Variants in TPRG1 observed in about 807,000 individuals in gnomAD.
The protein encoded by TPRG1 is tumor protein p63-regulated gene 1 protein.
TPRG1 carries 29 observed loss-of-function variants against 29.3 expected under a neutral mutation model. The ratio of observed to expected loss-of-function variants is 0.99; its 90% CI spans 0.74 to 1.35. TPRG1 has a LOEUF of 1.35. Among genes scored for constraint, TPRG1 ranks in the 40% most tolerant of loss-of-function variants. The probability of loss-of-function intolerance (pLI) is 0.00; values close to 1 mark genes in which losing one functional copy is unlikely to be tolerated. For missense variants in TPRG1, 327 were observed against 335.0 expected (o/e 0.98, Z 0.19); for synonymous variants, 130 against 116.8 (o/e 1.11, Z -0.73).
Position 189,322,285 on chromosome 3 carries a change from T to G in TPRG1, c.*1465T>G, listed in dbSNP as rs2108508405. 1 of 152,490 alleles carries G rather than the reference T, an allele frequency of 6.6e-6. No individual in the cohort carries two copies. The highest frequency in any genetic ancestry group is 1.9e-4 in the East Asian group (1 of 5,188). 9.4% of individuals were successfully genotyped at this position (152,490 alleles called of 1,614,324 possible). A position where few individuals can be genotyped will look rare whatever the true frequency, so the allele number is the denominator to read the frequency against. On this transcript the variant is annotated 3_prime_UTR_variant, in exon 6 of 6. Transcript: ENST00000345063. ...TCAATTTCAAAGATTTGTCCTCTGA[T>G]ATATTTATAAACATCAATTTAATGC...
chr3:189,106,231 C>T (rs1455759919), intron 1 of TPRG1, among the ~76,000 whole-genome samples: 1 of 152,102 alleles, frequency 6.6e-6, no homozygotes, highest in Non-Finnish European at 1.5e-5. Context: ...GTCATTCTGG[C>T]CTTCTAGTAC....
At chr3:189,054,248 T>TGACCAGTTGGTAGGAC (rs1715513157) in intron 4 of TPRG1, among the ~76,000 whole-genome samples, 2 of 152,086 alleles carry the variant, frequency 1.3e-5, no homozygotes. Context: ...GACGGGAGGA[T>TGACCAGTTGGTAGGAC]GACCAGTTGG....
intron 4 of TPRG1, among the ~76,000 whole-genome samples, chr3:189,255,053 T>C (rs930604525): frequency 6.6e-6 from 1 of 152,172 alleles, no homozygotes; most frequent in Non-Finnish European, 1.5e-5. Flanking sequence ...GAACTTCCAA[T>C]ACTATGTTGA....
chr3:189,229,869 T>C (rs550812107), intron 3 of TPRG1, among the ~76,000 whole-genome samples: 1 of 152,308 alleles, frequency 6.6e-6, no homozygotes, highest in East Asian at 1.9e-4. Flanking sequence ...ATACAAGCTG[T>C]AACGAACATA....
intron 2 of TPRG1, among the ~76,000 whole-genome samples, chr3:189,208,802 A>G (rs1036340575): frequency 3.3e-5 from 5 of 152,152 alleles, no homozygotes; most frequent in African/African-American, 1.2e-4. Context: ...GCTATCTTTG[A>G]TATTGATGAT....
At chr3:189,273,811 C>T (rs1019134255) in intron 4 of TPRG1, among the ~76,000 whole-genome samples, 59 of 152,132 alleles carry the variant, frequency 3.9e-4, no homozygotes, top group African/African-American at 1.4e-3. Flanking sequence ...ATTGGTCTGT[C>T]CCTTAGCTTG....
intron 4 of TPRG1, among the ~76,000 whole-genome samples, chr3:189,025,844 C>T (rs1350685103): frequency 6.6e-6 from 1 of 152,144 alleles, no homozygotes; most frequent in Non-Finnish European, 1.5e-5. Flanking sequence ...ATAATAACTT[C>T]ATGTTGAACA....
At chr3:189,144,838 C>T (rs1275295856) in intron 3 of TPRG1, among the ~76,000 whole-genome samples, 2 of 152,314 alleles carry the variant, frequency 1.3e-5, no homozygotes, top group African/African-American at 4.8e-5. Context: ...TAGCAGTGGA[C>T]TTAACACGAC....
At chr3:189,164,775 G>A (rs1045243984) in intron 5 of TPRG1, among the ~76,000 whole-genome samples, 5 of 152,148 alleles carry the variant, frequency 3.3e-5, no homozygotes, top group African/African-American at 9.7e-5. Flanking sequence ...GTGTGGGAAG[G>A]AGGGTGTTGA....
intron 1 of TPRG1, among the ~76,000 whole-genome samples, chr3:189,172,665 T>A (rs1403744767): frequency 6.6e-6 from 1 of 152,196 alleles, no homozygotes; most frequent in Non-Finnish European, 1.5e-5. Context: ...TATTTTTGAA[T>A]TCATCTGAGG....
chr3:189,060,330 A>G (rs1290137826), intron 4 of TPRG1, among the ~76,000 whole-genome samples: 1 of 152,236 alleles, frequency 6.6e-6, no homozygotes, highest in African/African-American at 2.4e-5. Context: ...AGCCACAGCC[A>G]ACATCATACT....
At chr3:189,178,476 G>A (rs6769319) in intron 1 of TPRG1, among the ~76,000 whole-genome samples, 54,203 of 152,084 alleles carry the variant, frequency 0.36, 9,811 homozygotes, top group South Asian at 0.52. Context: ...CTGAGATCAC[G>A]CCACTGCACT....
chr3:189,170,236 C>G (rs1352545473), upstream of TPRG1, among the ~76,000 whole-genome samples: 1 of 152,022 alleles, frequency 6.6e-6, no homozygotes, highest in East Asian at 1.9e-4. Flanking sequence ...TTCTAATTGC[C>G]CTGTAGTTTT....
chr3:189,031,311 A>G (rs1713924194), intron 4 of TPRG1, among the ~76,000 whole-genome samples: 2 of 152,074 alleles, frequency 1.3e-5, no homozygotes, highest in African/African-American at 4.8e-5. Flanking sequence ...AAGAAAAATT[A>G]AAAGGGACAC....
intron 5 of TPRG1, among the ~76,000 whole-genome samples, chr3:189,319,849 C>T (rs1014832992): frequency 6.6e-5 from 10 of 152,046 alleles, no homozygotes; most frequent in African/African-American, 1.2e-4. Flanking sequence ...GTCTAAAAGG[C>T]GTTTTCTGTG....
chr3:189,049,936 C>T (rs752909426), intron 4 of TPRG1, among the ~76,000 whole-genome samples: 1 of 151,980 alleles, frequency 6.6e-6, no homozygotes, highest in Non-Finnish European at 1.5e-5. Context: ...AAATTTGGTG[C>T]TAAAAGGAAA....
At position 189,320,923 on chromosome 3, in the gene TPRG1, A is replaced by C. The variant is rs1724256855; in HGVS notation, c.*103A>C. On this transcript the variant is annotated 3_prime_UTR_variant, in exon 6 of 6. Transcript: ENST00000345063. Reference sequence around the variant, plus strand: ...GGACTGAAACAATTAATTATTTTTAAATGACGCTTTATGATTTAGAAATTT... The same window carrying C: ...GGACTGAAACAATTAATTATTTTTACATGACGCTTTATGATTTAGAAATTT... 9.3e-7 allele frequency: 1 copy of C among 1,069,670 alleles called. No homozygotes were observed. Among genetic ancestry groups the C allele is most frequent in the Non-Finnish European group, 1.3e-6 (1 of 777,494 alleles). The allele number at this position is 1,069,670 out of a possible 1,614,324, so 66.3% of individuals were successfully genotyped here. A position where few individuals can be genotyped will look rare whatever the true frequency, so the allele number is the denominator to read the frequency against.
chr3:189,237,633 CAGGCGTGT>C (rs1739739744), intron 3 of TPRG1, among the ~76,000 whole-genome samples: 1 of 152,144 alleles, frequency 6.6e-6, no homozygotes, highest in South Asian at 2.1e-4. Context: ...CCGGATTATA[CAGGCGTGT>C]AGTCCATGTT....
In TPRG1 at chr3:189,230,164, G is replaced by C. The variant is rs79873020; in HGVS notation, c.303-8569G>C. Among the ~76,000 whole-genome samples, 359 of 152,282 alleles carry C rather than the reference G, an allele frequency of 2.4e-3. 1 individual carries two copies. The highest frequency in any genetic ancestry group is 8.3e-3 in the African/African-American group (346 of 41,570). On this transcript the variant is annotated intron_variant, in intron 3 of 5. Transcript: ENST00000345063. ...TTGTGGGAAAGAGAGAAGGATGGGG[G>C]CGTGCCCAGATTCTTTACTTTTGTG...
Sources: gnomAD v4.1 joint callset for allele counts (sites outside exome capture counted in the v4.1 genomes callset) on GRCh38, gnomAD v4.1.1 for gene constraint, MANE v1.5 for transcripts, NCBI Gene and HGNC (gene_info 2026-07-23, HGNC 2026-07-21) for gene names.